Variants in RYR2 observed in about 807,000 individuals in gnomAD.
RYR2 encodes cardiac muscle ryanodine receptor-calcium release channel.
A neutral mutation model predicts 601.1 loss-of-function variants in RYR2; 227 were observed. The ratio of observed to expected loss-of-function variants is 0.38; its 90% CI spans 0.34 to 0.42. The LOEUF is 0.42. Ranked by LOEUF, RYR2 falls within the 10% of genes least tolerant of loss-of-function variation. The probability of loss-of-function intolerance (pLI) is 1.00; values close to 1 mark genes in which losing one functional copy is unlikely to be tolerated. For synonymous variants in RYR2, 2,223 were observed against 2,175.1 expected (o/e 1.02, Z -0.61); for missense variants, 4,646 against 6,156.5 (o/e 0.75, Z 8.21).
chr1:237,686,328 T>C (rs576216678), intron 62 of RYR2, among the ~76,000 whole-genome samples: 1 of 152,250 alleles, frequency 6.6e-6, no homozygotes, highest in African/African-American at 2.4e-5. Context: ...TGAGTAGATT[T>C]GAAAATAATG....
intron 2 of RYR2, among the ~76,000 whole-genome samples, chr1:237,283,246 T>G (rs1007906305): frequency 2.6e-5 from 4 of 152,334 alleles, no homozygotes; most frequent in Middle Eastern, 3.4e-3. Flanking sequence ...CTGTTTTCTT[T>G]CTTGCTTGCC....
chr1:237,502,730 C>T (rs532885805), intron 21 of RYR2, among the ~76,000 whole-genome samples: 16 of 151,816 alleles, frequency 1.1e-4, no homozygotes, highest in African/African-American at 2.9e-4. Flanking sequence ...TAACAGGCCG[C>T]GGACTGGTAC....
At chr1:237,300,989 A>C (rs909141822) in intron 2 of RYR2, among the ~76,000 whole-genome samples, 4 of 152,086 alleles carry the variant, frequency 2.6e-5, no homozygotes, top group African/African-American at 9.7e-5. Flanking sequence ...TGTTTGTGAA[A>C]TCGAATTGAT....
At position 237,062,689 on chromosome 1, in the gene RYR2, G is replaced by A. The variant is rs540642485; in HGVS notation, c.48+20120G>A. Among the ~76,000 whole-genome samples the A allele has an allele frequency of 2.0e-5, 3 of 152,088 alleles. No individual in the cohort carries two copies. The South Asian group carries it at 6.2e-4, about 32-fold the overall frequency. The stretch of plus-strand genomic sequence containing the variant: ...TGACCATTTTATTTTTTGCTTCTCA[G>A]TTTTCATTTCTTGTTATTGCCTCAT... On this transcript the variant is annotated intron_variant, in intron 1 of 104. Coordinates refer to ENST00000366574, the MANE Select transcript of RYR2 (RefSeq NM_001035.3).
chr1:237,551,266 A>G (rs985883961), intron 27 of RYR2, among the ~76,000 whole-genome samples: 3 of 152,190 alleles, frequency 2.0e-5, no homozygotes, highest in Non-Finnish European at 4.4e-5. Context: ...ATGGTGGCTC[A>G]CGCCTGTAAT....
intron 27 of RYR2, among the ~76,000 whole-genome samples, chr1:237,552,851 A>G (rs1317940099): frequency 6.6e-6 from 1 of 151,986 alleles, no homozygotes; most frequent in Non-Finnish European, 1.5e-5. Context: ...ATATTCATAT[A>G]CAAATCTTGG....
At chr1:237,549,280 A>C (rs974793290) in intron 26 of RYR2, among the ~76,000 whole-genome samples, 4 of 152,186 alleles carry the variant, frequency 2.6e-5, no homozygotes, top group African/African-American at 9.7e-5. Flanking sequence ...AGACAAGACA[A>C]AACAGTATTT....
chr1:237,437,130 T>C (rs796154373), intron 12 of RYR2, among the ~76,000 whole-genome samples: 2 of 151,898 alleles, frequency 1.3e-5, no homozygotes, highest in Non-Finnish European at 2.9e-5. Context: ...CTGCAAGCTC[T>C]GCCTCCTGGG....
At chr1:237,631,756 G>T (rs1315629886) in intron 42 of RYR2, among the ~76,000 whole-genome samples, 10 of 150,522 alleles carry the variant, frequency 6.6e-5, no homozygotes, top group Non-Finnish European at 1.0e-4. Context: ...GCCTCCCGAG[G>T]AGCTGGGATT....
intron 4 of RYR2, among the ~76,000 whole-genome samples, chr1:237,359,532 T>G (rs2149707173): frequency 6.6e-6 from 1 of 152,290 alleles, no homozygotes; most frequent in South Asian, 2.1e-4. Flanking sequence ...CCTTACAAAC[T>G]TAAATATATA....
intron 1 of RYR2, among the ~76,000 whole-genome samples, chr1:237,256,943 C>T (rs1688047008): frequency 6.6e-6 from 1 of 152,130 alleles, no homozygotes; most frequent in Non-Finnish European, 1.5e-5. Context: ...CTCACCTCAC[C>T]ATTGCATCCC....
chr1:237,346,384 A>AAAAAAAAAAAAAAAAAAAAAAAT (rs1558659601), intron 3 of RYR2, among the ~76,000 whole-genome samples: 14 of 151,344 alleles, frequency 9.3e-5, no homozygotes, highest in South Asian at 2.1e-4. Context: ...AAAAAAAAAA[A>AAAAAAAAAAAAAAAAAAAAAAAT]GTGCATATCC....
intron 11 of RYR2, among the ~76,000 whole-genome samples, chr1:237,418,318 A>G (rs1293090178): frequency 6.6e-6 from 1 of 152,210 alleles, no homozygotes; most frequent in East Asian, 1.9e-4. Context: ...CTGGGATCAC[A>G]GGTGTGAGCC....
At chr1:237,794,349 A>T (rs1658829289) in intron 95 of RYR2, among the ~76,000 whole-genome samples, 1 of 152,094 alleles carries the variant, frequency 6.6e-6, no homozygotes, top group Non-Finnish European at 1.5e-5. Flanking sequence ...TTATTCATTA[A>T]CGAAAAAGTT....
rs138943388 is a variant in RYR2 at position 237,576,089 on chromosome 1, T to C, written c.3598+6770T>C. Among the ~76,000 whole-genome samples the C allele has an allele frequency of 2.8e-3, 428 of 152,344 alleles. 1 individual carries two copies. The highest frequency in any genetic ancestry group is 9.7e-3 in the African/African-American group (402 of 41,586). ...ATTATTAAAACTTATTGAGAGATGG[T>C]TGACTTTATTAAAAGACTTATTACC... On this transcript the variant is annotated intron_variant, in intron 29 of 104. Transcript: ENST00000366574.
intron 29 of RYR2, among the ~76,000 whole-genome samples, chr1:237,588,940 T>A (rs1674842826): frequency 6.6e-6 from 1 of 152,182 alleles, no homozygotes; most frequent in South Asian, 2.1e-4. Context: ...CTCATTGTCT[T>A]GCCAATCAAT....
chr1:237,149,172 C>G (rs1196759664), intron 1 of RYR2, among the ~76,000 whole-genome samples: 1 of 152,104 alleles, frequency 6.6e-6, no homozygotes, highest in Admixed American at 6.6e-5. Flanking sequence ...TTTAGAGCTG[C>G]ATAATTTGTT....
At chr1:237,651,023 C>G (rs1682679120) in intron 50 of RYR2, among the ~76,000 whole-genome samples, 1 of 152,134 alleles carries the variant, frequency 6.6e-6, no homozygotes, top group South Asian at 2.1e-4. Flanking sequence ...TTCCTCCTTT[C>G]TGTTCCAATA....
chr1:237,447,353 C>T (rs1558833689), intron 14 of RYR2, among the ~76,000 whole-genome samples: 1 of 152,112 alleles, frequency 6.6e-6, no homozygotes, highest in African/African-American at 2.4e-5. Context: ...CACATCTGCT[C>T]TTTGGAAGAA....
Sources: gnomAD v4.1 joint callset for allele counts (sites outside exome capture counted in the v4.1 genomes callset) on GRCh38, gnomAD v4.1.1 for gene constraint, MANE v1.5 for transcripts, NCBI Gene and HGNC (gene_info 2026-07-23, HGNC 2026-07-21) for gene names.